Variants in FKBP15 observed in about 807,000 individuals in gnomAD.
FKBP15 encodes FKBP prolyl isomerase family member 15, also known as FK506-binding protein 15.
Under a neutral mutation model 158.1 loss-of-function variants are expected in FKBP15, and 106 were observed. The observed-to-expected ratio is 0.67, with a 90% CI of 0.57 to 0.79. The LOEUF (loss-of-function observed/expected upper bound fraction) is 0.79. Ranked by LOEUF, FKBP15 falls within the 30% of genes least tolerant of loss-of-function variation. FKBP15 has a pLI of 0.00. For synonymous variants in FKBP15, 547 were observed against 548.6 expected (o/e 1.00, Z 0.04); for missense variants, 1,287 against 1,479.1 (o/e 0.87, Z 2.13).
At position 113,215,649 on chromosome 9, in the gene FKBP15, T is replaced by A. The variant is rs1348467036; in HGVS notation, c.54-4057A>T. ...GTATATATATATATATATATATTTT[T>A]TTTTTTTTTTTTTTTTTTGAGATGC... is the stretch of plus-strand genomic sequence containing the variant. On this transcript the variant is annotated intron_variant, in intron 1 of 27. Coordinates refer to ENST00000238256, the MANE Select transcript of FKBP15 (RefSeq NM_015258.2). Among the ~76,000 whole-genome samples, 217 of 86,550 alleles carry A rather than the reference T, an allele frequency of 2.5e-3. 2 individuals carry two copies. Among genetic ancestry groups the A allele is most frequent in the South Asian group, 0.017 (47 of 2,722 alleles). The allele number at this position is 86,550 out of a possible 152,430, so 56.8% of individuals were successfully genotyped here. A position where few individuals can be genotyped will look rare whatever the true frequency, so the allele number is the denominator to read the frequency against.
At position 113,178,758 on chromosome 9, in the gene FKBP15, G is replaced by C. The variant is rs1476959808; in HGVS notation, c.1958C>G (p.Ser653Cys). 1 of 1,609,802 alleles carries C rather than the reference G, an allele frequency of 6.2e-7. No homozygotes were observed. The change falls in exon 20 of 28, where the codon TCT becomes TGT. Residue 653 changes from serine (S) to cysteine (C), a missense_variant. By Grantham distance (112) the Ser-to-Cys change is moderately radical (BLOSUM62 -1). Coordinates refer to ENST00000238256, the MANE Select transcript of FKBP15 (RefSeq NM_015258.2). ...AGCAGTCATTTTCAGCTGCAGATGA[G>C]AGACCTGTGCAGTGGCCGCTGCTAA... ...EELAAATAQV[S>C]HLQLKMTAHQ...
chr9:113,202,446 A>G, intron 6 of FKBP15, 85 bp downstream of exon 6: 1 of 1,025,034 alleles, frequency 9.8e-7, no homozygotes, highest in Non-Finnish European at 1.5e-6. Flanking sequence ...ACAGCAGATT[A>G]TGGGTTTTCT....
chr9:113,203,514 G>A (rs189771799), intron 4 of FKBP15, among the ~76,000 whole-genome samples: 244 of 149,866 alleles, frequency 1.6e-3, no homozygotes, highest in African/African-American at 5.8e-3. Flanking sequence ...GACTTCTGTC[G>A]CTGATTAATT....
chr9:113,175,191 T>G (rs1341255252), intron 21 of FKBP15, among the ~76,000 whole-genome samples: 1 of 152,172 alleles, frequency 6.6e-6, no homozygotes, highest in African/African-American at 2.4e-5. Flanking sequence ...ATATACTCTC[T>G]TTGGATAGTA....
intron 4 of FKBP15, among the ~76,000 whole-genome samples, chr9:113,205,099 G>A (rs968893710): frequency 2.0e-5 from 3 of 152,174 alleles, no homozygotes; most frequent in African/African-American, 7.2e-5. Flanking sequence ...AAACGTAGAG[G>A]TGAATCGTCA....
chr9:113,196,052 A>G (rs1369028037), intron 9 of FKBP15, among the ~76,000 whole-genome samples: 2 of 152,002 alleles, frequency 1.3e-5, no homozygotes, highest in African/African-American at 4.8e-5. Context: ...ACACGCACAT[A>G]TGAGACCATA....
chr9:113,182,542 A>C (rs967625291), intron 19 of FKBP15, among the ~76,000 whole-genome samples: 1 of 152,228 alleles, frequency 6.6e-6, no homozygotes, highest in Non-Finnish European at 1.5e-5. Flanking sequence ...TTAACTAATC[A>C]AATTACTAAG....
At chr9:113,167,278 A>G (rs1342503055) in intron 27 of FKBP15, among the ~76,000 whole-genome samples, 1 of 152,222 alleles carries the variant, frequency 6.6e-6, no homozygotes, top group African/African-American at 2.4e-5. Flanking sequence ...TTAAATGACA[A>G]CATCTGTGAA....
At chr9:113,181,684 T>A (rs779464882) in intron 19 of FKBP15, among the ~76,000 whole-genome samples, 5 of 152,090 alleles carry the variant, frequency 3.3e-5, no homozygotes, top group Non-Finnish European at 5.9e-5. Flanking sequence ...TAGCCCTGAA[T>A]AGTAACTGTG....
intron 10 of FKBP15, 116 bp downstream of exon 10, chr9:113,193,911 A>G: frequency 7.9e-7 from 1 of 1,265,486 alleles, no homozygotes; most frequent in Non-Finnish European, 1.0e-6. Flanking sequence ...CCCTGATCCC[A>G]TTTTTTCCAG....
intron 23 of FKBP15, among the ~76,000 whole-genome samples, chr9:113,172,939 G>A (rs1830240240): frequency 1.3e-5 from 2 of 152,158 alleles, no homozygotes; most frequent in Non-Finnish European, 2.9e-5. Flanking sequence ...CTATCTCAGT[G>A]CCTTTGCCCA....
chr9:113,171,700 C>A lies in FKBP15; in HGVS notation c.2539G>T (p.Ala847Ser), dbSNP rs1128116. The A allele has an allele frequency of 0.068, 107,553 of 1,586,728 alleles. 4,241 individuals are homozygous for A. The highest frequency in any genetic ancestry group is 0.14 in the South Asian group (12,216 of 86,918). ...AGAGCTGTGATTTGGGCCTGGAGGG[C>A]TAAACACTGCAAAACAAACAGACTG... The part of the protein sequence containing the change: ...KLVQLQEKCL[A>S]LQAQITALTK... Residue 847 changes from alanine to serine, a missense_variant, in exon 24 of 28, where the codon GCC (alanine) becomes TCC (serine). Physicochemically the swap from Ala to Ser is moderately conservative, Grantham distance 99 (BLOSUM62 1). Coordinates refer to ENST00000238256, the MANE Select transcript of FKBP15 (RefSeq NM_015258.2).
chr9:113,173,615 G>A lies in FKBP15; in HGVS notation c.2380-10C>T. The stretch of plus-strand genomic sequence containing the variant: ...CCTGTACTAAAGACAGCTGCCAAGA[G>A]AAAGTAATGACCATATCATCCTTGG... On this transcript the variant is annotated splice_polypyrimidine_tract_variant and intron_variant, in intron 22 of 27. Transcript: ENST00000238256. The A allele has an allele frequency of 6.2e-7, 1 of 1,612,818 alleles. No individual in the cohort carries two copies. The highest frequency in any genetic ancestry group is 8.5e-7 in the Non-Finnish European group (1 of 1,179,114).
rs553624363 is a variant in FKBP15, at chr9:113,163,862, C to T, written c.*2216G>A. 3.3e-5 allele frequency: 5 copies of T among 152,736 alleles called. No individual in the cohort carries two copies. Among genetic ancestry groups the T allele is most frequent in the South Asian group, 2.1e-4 (1 of 4,820 alleles). The allele number at this position is 152,736 out of a possible 1,614,324, so 9.5% of individuals were successfully genotyped here. ...CTCTATTTATTACTTACTGCTTACTCGTAATGATCTAGTGGGGAAACATGA... is the reference window on the plus strand; with the variant it reads ...CTCTATTTATTACTTACTGCTTACTTGTAATGATCTAGTGGGGAAACATGA... On this transcript the variant is annotated 3_prime_UTR_variant, in exon 28 of 28. Coordinates refer to ENST00000238256, the MANE Select transcript of FKBP15 (RefSeq NM_015258.2).
chr9:113,198,364 T>C lies in FKBP15; in HGVS notation c.717+491A>G, dbSNP rs1830724929. The stretch of plus-strand genomic sequence containing the variant: ...AATTGTAACCATCTTCAATGTAGTG[T>C]CTCATAGATAAAAATCTCCCAAATG... On this transcript the variant is annotated intron_variant, in intron 8 of 27. Coordinates refer to ENST00000238256, the MANE Select transcript of FKBP15 (RefSeq NM_015258.2). This position sits in a 1 kb window ranked among gnomAD's most constrained non-coding sequence, Gnocchi z 5.2. Among the ~76,000 whole-genome samples the C allele has an allele frequency of 6.6e-6, 1 of 152,228 alleles. No homozygotes were observed. The highest frequency in any genetic ancestry group is 2.4e-5 in the African/African-American group (1 of 41,476).
At chr9:113,194,824 A>G (rs1241797447) in intron 9 of FKBP15, among the ~76,000 whole-genome samples, 1 of 152,262 alleles carries the variant, frequency 6.6e-6, no homozygotes, top group East Asian at 1.9e-4. Flanking sequence ...AGGAAAAAGT[A>G]TCCAAAGGAT....
intron 14 of FKBP15, 177 bp from the exon 15 acceptor site, chr9:113,186,540 C>G: frequency 1.7e-6 from 1 of 578,916 alleles, no homozygotes. Context: ...GGAGAGTTAT[C>G]TATGTATCCC....
chr9:113,212,369 A>G (rs557908084), intron 1 of FKBP15, among the ~76,000 whole-genome samples: 205 of 152,076 alleles, frequency 1.3e-3, no homozygotes, highest in African/African-American at 4.6e-3. Flanking sequence ...TTGTATTTTT[A>G]GTAGAGACGG....
In FKBP15 at chr9:113,190,531, C is replaced by A; in HGVS notation, c.1113G>T (p.Met371Ile). Residue 371 changes from methionine (M) to isoleucine (I), a missense_variant, in exon 12 of 28, where the codon ATG becomes ATT. Physicochemically the swap from Met to Ile is conservative, Grantham distance 10. Coordinates refer to ENST00000238256, the MANE Select transcript of FKBP15 (RefSeq NM_015258.2). ...KAKLISRMAK[M>I]GQPMLPILPP... ...GAAGGATGGGCAGCATGGGCTGGCC[C>A]ATTTTAGCCATCCGAGAGATCAACT... The A allele has an allele frequency of 6.2e-7, 1 of 1,612,414 alleles. No individual in the cohort carries two copies. The highest frequency in any genetic ancestry group is 2.2e-5 in the East Asian group (1 of 44,826).
Sources: allele counts gnomAD v4.1 joint callset (sites outside exome capture counted in the v4.1 genomes callset), GRCh38; gene constraint gnomAD v4.1.1; non-coding constraint Gnocchi (gnomAD v3.1); transcripts MANE v1.5; gene names NCBI Gene and HGNC (gene_info 2026-07-23, HGNC 2026-07-21).